The following PPM1E variants were observed in gnomAD, a reference collection of about 807,000 sequenced individuals.
PPM1E encodes the protein protein phosphatase, Mg2+/Mn2+ dependent 1E, also known as protein phosphatase 1E.
Under a neutral mutation model 65.9 loss-of-function variants are expected in PPM1E, and 20 were observed. The observed-to-expected ratio is 0.30, with a 90% CI of 0.21 to 0.44. The LOEUF is 0.44. PPM1E is among the 20% of genes least tolerant of loss of function. The pLI, the probability that PPM1E is intolerant of heterozygous loss-of-function variation, is 1.00. For synonymous variants in PPM1E, 352 were observed against 374.9 expected, an observed-to-expected ratio of 0.94 and a Z score of 0.70; for missense variants, 713 against 953.1, an observed-to-expected ratio of 0.75 and a Z score of 3.32.
intron 1 of PPM1E, among the ~76,000 whole-genome samples, chr17:58,788,013 C>T (rs746174577): frequency 4.0e-5 from 6 of 151,784 alleles, no homozygotes; most frequent in Non-Finnish European, 7.4e-5. Context: ...TTCCAAATTT[C>T]TATTTTTGCA....
intron 1 of PPM1E, among the ~76,000 whole-genome samples, chr17:58,929,079 GAATA>G (rs1433842041): frequency 1.3e-5 from 2 of 151,770 alleles, no homozygotes; most frequent in African/African-American, 2.4e-5. Context: ...ATCAATAGAA[GAATA>G]AATAAACTGC....
At chr17:58,881,201 T>C (rs2051190682) in intron 1 of PPM1E, among the ~76,000 whole-genome samples, 1 of 152,180 alleles carries the variant, frequency 6.6e-6, no homozygotes, top group African/African-American at 2.4e-5. Context: ...ATGTCATACA[T>C]GAAAACACTG....
At chr17:58,866,206 C>T (rs907781293) in intron 1 of PPM1E, among the ~76,000 whole-genome samples, 1 of 152,080 alleles carries the variant, frequency 6.6e-6, no homozygotes, top group Non-Finnish European at 1.5e-5. Flanking sequence ...CAGGGTGGAG[C>T]CCTTGGATGA....
At chr17:58,874,818 G>A (rs2051111003) in intron 1 of PPM1E, among the ~76,000 whole-genome samples, 1 of 152,112 alleles carries the variant, frequency 6.6e-6, no homozygotes, top group Non-Finnish European at 1.5e-5. Flanking sequence ...TGTTGGCTGT[G>A]ATGAATATTA....
At chr17:58,847,241 G>C (rs2050780869) in intron 1 of PPM1E, among the ~76,000 whole-genome samples, 1 of 151,946 alleles carries the variant, frequency 6.6e-6, no homozygotes, top group Non-Finnish European at 1.5e-5. Context: ...TCAGATGGTA[G>C]TTTCTTTTGC....
chr17:58,976,984 TTTTA>T (rs912335560), intron 6 of PPM1E, among the ~76,000 whole-genome samples: 7 of 152,290 alleles, frequency 4.6e-5, no homozygotes, highest in East Asian at 1.9e-4. Context: ...CCATATTGGA[TTTTA>T]TTTATTATTT....
At chr17:58,905,132 T>C (rs978769094) in intron 1 of PPM1E, among the ~76,000 whole-genome samples, 7 of 152,214 alleles carry the variant, frequency 4.6e-5, no homozygotes, top group Non-Finnish European at 7.3e-5. Flanking sequence ...ATTTTCTACA[T>C]AGTTATGTTA....
At chr17:58,822,211 G>A (rs2050487048) in intron 1 of PPM1E, among the ~76,000 whole-genome samples, 1 of 151,968 alleles carries the variant, frequency 6.6e-6, no homozygotes, top group Non-Finnish European at 1.5e-5. Flanking sequence ...AGAAAAGGAG[G>A]CACTGAAGCA....
chr17:58,895,408 CA>C (rs1455606351), intron 1 of PPM1E, among the ~76,000 whole-genome samples: 1 of 152,066 alleles, frequency 6.6e-6, no homozygotes, highest in African/African-American at 2.4e-5. Context: ...TGTCAAAATC[CA>C]AAACAGGCCA....
intron 3 of PPM1E, among the ~76,000 whole-genome samples, chr17:58,967,599 T>C (rs1357939575): frequency 6.6e-6 from 1 of 151,738 alleles, no homozygotes; most frequent in Non-Finnish European, 1.5e-5. Context: ...TCCTTTGTTA[T>C]TAGTCTAAAT....
chr17:58,826,036 C>T (rs1043303133), intron 1 of PPM1E, among the ~76,000 whole-genome samples: 2 of 151,598 alleles, frequency 1.3e-5, no homozygotes, highest in South Asian at 4.2e-4. Context: ...TGCCTGTAAT[C>T]CCAGCACTTT....
chr17:58,894,966 G>GT (rs1334445382), intron 1 of PPM1E, among the ~76,000 whole-genome samples: 1 of 152,118 alleles, frequency 6.6e-6, no homozygotes, highest in Non-Finnish European at 1.5e-5. Context: ...TTCAAGGTCT[G>GT]TGGCAACTCT....
intron 1 of PPM1E, among the ~76,000 whole-genome samples, chr17:58,923,284 C>CAAAAAAAAAAAAA (rs60557317): frequency 9.8e-6 from 1 of 102,484 alleles, no homozygotes; most frequent in Non-Finnish European, 1.9e-5. Flanking sequence ...GACCCTATCT[C>CAAAAAAAAAAAAA]AAAAAAAAAA....
chr17:58,811,775 A>G (rs952239774), intron 1 of PPM1E, among the ~76,000 whole-genome samples: 2 of 152,010 alleles, frequency 1.3e-5, no homozygotes, highest in Non-Finnish European at 2.9e-5. Flanking sequence ...GGGTCAAGCA[A>G]TTCTCCTGCC....
intron 6 of PPM1E, among the ~76,000 whole-genome samples, chr17:58,977,165 C>A (rs1034985243): frequency 1.3e-5 from 2 of 151,954 alleles, no homozygotes; most frequent in African/African-American, 4.8e-5. Flanking sequence ...TGAATGAGGG[C>A]TGGGCGCGGT....
chr17:58,970,545 AG>A, intron 4 of PPM1E, among the ~76,000 whole-genome samples: 1 of 152,344 alleles, frequency 6.6e-6, no homozygotes, highest in South Asian at 2.1e-4. Context: ...TGGAGAGATC[AG>A]GGTAATCATT....
chr17:58,785,456 A>ATT (rs1177458268), intron 1 of PPM1E: 10 of 85,066 alleles, frequency 1.2e-4, no homozygotes, highest in Non-Finnish European at 1.7e-4. Context: ...CACCTGGCTA[A>ATT]TTTATATATA....
chr17:58,756,076 G>A lies in PPM1E; in HGVS notation c.79G>A (p.Gly27Ser). 6.2e-7 allele frequency: 1 copy of A among 1,611,150 alleles called. No individual in the cohort carries two copies. The highest frequency in any genetic ancestry group is 8.5e-7 in the Non-Finnish European group (1 of 1,179,328). Residue 27 changes from glycine to serine, a missense_variant, in exon 1 of 7, where the codon GGC (glycine) becomes AGC (serine). Gly to Ser is a moderately conservative substitution (Grantham distance 56). Coordinates refer to ENST00000308249, the MANE Select transcript of PPM1E (RefSeq NM_014906.5). ...LFLGEFRGPC[G>S]GGEPEPEPEP... is the part of the protein sequence containing the mutation. The stretch of plus-strand genomic sequence containing the variant: ...CCTGGGCGAGTTTCGCGGACCGTGC[G>A]GCGGCGGCGAGCCGGAGCCGGAACC...
chr17:58,809,553 T>C lies in PPM1E; in HGVS notation c.464+53092T>C, dbSNP rs527335549. 2.4e-4 allele frequency among the ~76,000 whole-genome samples: 37 copies of C among 152,210 alleles called. No homozygotes were observed. The South Asian group carries it at 7.7e-3, about 32-fold the overall frequency. On this transcript the variant is annotated intron_variant, in intron 1 of 6. Coordinates refer to ENST00000308249, the MANE Select transcript of PPM1E (RefSeq NM_014906.5). Reference sequence around the variant, plus strand: ...CATGCTCCACAAGGCTGGGCTAATTTTTGTTTATTTTTTTTGCCCAGGGTC... The same window carrying C: ...CATGCTCCACAAGGCTGGGCTAATTCTTGTTTATTTTTTTTGCCCAGGGTC...
Sources: gnomAD v4.1 joint callset for allele counts (sites outside exome capture counted in the v4.1 genomes callset) on GRCh38, gnomAD v4.1.1 for gene constraint, MANE v1.5 for transcripts, NCBI Gene and HGNC (gene_info 2026-07-23, HGNC 2026-07-21) for gene names.